Variants in SEZ6 observed in about 807,000 individuals in gnomAD.
SEZ6 encodes the protein seizure protein 6 homolog.
Under a neutral mutation model 101.0 loss-of-function variants are expected in SEZ6, and 53 were observed. The observed-to-expected ratio is 0.52, with a 90% CI of 0.42 to 0.66. The LOEUF is 0.66. Ranked by LOEUF, SEZ6 falls within the 30% of genes least tolerant of loss-of-function variation. The pLI, the probability that SEZ6 is intolerant of heterozygous loss-of-function variation, is 0.00. For synonymous variants in SEZ6, 488 were observed against 512.2 expected, an observed-to-expected ratio of 0.95 and a Z score of 0.64; for missense variants, 1,102 against 1,289.4, an observed-to-expected ratio of 0.85 and a Z score of 2.23.
rs766033904 is a variant in SEZ6 at position 28,958,094 on chromosome 17, C to T, written c.2155G>A (p.Gly719Ser). 1 of 1,607,476 alleles carries T rather than the reference C, an allele frequency of 6.2e-7. No homozygotes were observed. Among genetic ancestry groups the T allele is most frequent in the Non-Finnish European group, 8.5e-7 (1 of 1,174,514 alleles). The stretch of plus-strand genomic sequence containing the variant: ...TCAGGCTGCGATGGGCTCTTCCAGC[C>T]ATTGGGGATCTCAGGCAGCTCCGGA... Reference protein sequence around the residue: ...TCPELPEIPNGWKSPSQPELV... With the variant: ...TCPELPEIPNSWKSPSQPELV... Residue 719 changes from glycine to serine, a missense_variant, in exon 11 of 17, where the codon GGC (glycine) becomes AGC (serine). Physicochemically the swap from Gly to Ser is moderately conservative, Grantham distance 56. Coordinates refer to ENST00000317338, the MANE Select transcript of SEZ6 (RefSeq NM_178860.5).
At chr17:28,963,481 A>G (rs575414366) in intron 5 of SEZ6, among the ~76,000 whole-genome samples, 1 of 152,222 alleles carries the variant, frequency 6.6e-6, no homozygotes, top group South Asian at 2.1e-4. Context: ...CTTCAGCCAA[A>G]CCTGGCTGTC....
chr17:29,005,818 G>A lies in SEZ6; in HGVS notation c.52C>T (p.His18Tyr). 1 of 1,485,886 alleles carries A rather than the reference G, an allele frequency of 6.7e-7. No homozygotes were observed. The highest frequency in any genetic ancestry group is 8.9e-7 in the Non-Finnish European group (1 of 1,118,240). 92.0% of individuals were successfully genotyped at this position (1,485,886 alleles called of 1,614,324 possible). ...GCCGGATGCCGGGGTCCCTTACCGTGAGCCAGGAGCGCCAGCAGCGAGGGC... is the reference window on the plus strand; with the variant it reads ...GCCGGATGCCGGGGTCCCTTACCGTAAGCCAGGAGCGCCAGCAGCGAGGGC... ...LLPSLLALLA[H>Y]GLSLEAPTVG... Residue 18 changes from histidine to tyrosine, a missense_variant, in exon 1 of 17, where the codon CAC becomes TAC. Around this residue, in one of 3 missense-constraint regions of SEZ6, gnomAD observed 406 missense variants for 418.6 expected, o/e 0.97. Transcript: ENST00000317338. This position sits in a 1 kb window ranked among gnomAD's most constrained non-coding sequence, Gnocchi z 4.8.
At chr17:28,978,060 C>T (rs1185212461) in intron 3 of SEZ6, among the ~76,000 whole-genome samples, 1 of 152,180 alleles carries the variant, frequency 6.6e-6, no homozygotes, top group Non-Finnish European at 1.5e-5. Flanking sequence ...CTGGACCTGA[C>T]ATCCCCAGAG....
chr17:28,965,368 C>A (rs1213520145), intron 4 of SEZ6, among the ~76,000 whole-genome samples: 1 of 151,750 alleles, frequency 6.6e-6, no homozygotes, highest in Non-Finnish European at 1.5e-5. Context: ...AACAAACTTA[C>A]AAACAAACAA....
chr17:28,969,973 G>C (rs940810830), intron 3 of SEZ6, 21 bp from the exon 4 acceptor site: 4 of 1,515,622 alleles, frequency 2.6e-6, no homozygotes, highest in Admixed American at 2.7e-5. Flanking sequence ...AGTAGAGAGA[G>C]AAAAGCAAAG....
chr17:28,959,523 T>C lies in SEZ6; in HGVS notation c.1772-51A>G. 6.3e-7 allele frequency: 1 copy of C among 1,595,988 alleles called. No individual in the cohort carries two copies. The highest frequency in any genetic ancestry group is 1.1e-5 in the South Asian group (1 of 90,420). On this transcript the variant is annotated intron_variant, in intron 8 of 16. Transcript: ENST00000317338. The surrounding 1 kb of genome is among the most constrained non-coding windows in gnomAD (Gnocchi z 4.4). ...GGTCTTTTCAAGCTTACCATGGTGT[T>C]GCTTACCATCTGCCCGCAGGAGTGC...
chr17:29,000,353 A>G (rs2041599643), intron 1 of SEZ6, among the ~76,000 whole-genome samples: 1 of 152,232 alleles, frequency 6.6e-6, no homozygotes, highest in Non-Finnish European at 1.5e-5. Flanking sequence ...AATCTCATCA[A>G]AACTCAGTTT....
chr17:28,969,788 AGCCGGTG>A lies in SEZ6; in HGVS notation c.1016_1022del (p.Pro339LeufsTer15). 6.6e-7 allele frequency: 1 copy of A among 1,508,520 alleles called. No individual in the cohort carries two copies. Among genetic ancestry groups the A allele is most frequent in the Non-Finnish European group, 8.8e-7 (1 of 1,138,220 alleles). 93.4% of individuals were successfully genotyped at this position (1,508,520 alleles called of 1,614,324 possible). ...AATGGAAATGGAAGGTGCCAGGGCC[AGCCGGTG>A]GCGGGAGGCTCTGGAACCTCAGGGC... On this transcript the variant is annotated frameshift_variant, in exon 4 of 17. Transcript: ENST00000317338. LOFTEE classifies it high-confidence loss of function.
In SEZ6 at chr17:28,957,033, C is replaced by T; in HGVS notation, c.2692+12G>A. 6.4e-7 allele frequency: 1 copy of T among 1,568,200 alleles called. No individual in the cohort carries two copies. Among genetic ancestry groups the T allele is most frequent in the Non-Finnish European group, 8.7e-7 (1 of 1,152,952 alleles). ...GGCCAGGGAGGGTTTTGAGGGGTGA[C>T]AGGGCACTCACCAGCCCTACAGATG... On this transcript the variant is annotated intron_variant, in intron 13 of 16. Coordinates refer to ENST00000317338, the MANE Select transcript of SEZ6 (RefSeq NM_178860.5).
intron 1 of SEZ6, among the ~76,000 whole-genome samples, chr17:28,985,392 C>T (rs2041366097): frequency 6.6e-6 from 1 of 152,242 alleles, no homozygotes; most frequent in African/African-American, 2.4e-5. Flanking sequence ...GAGCCTCAAA[C>T]CCAAACCGGA....
chr17:28,990,914 A>C (rs981363354), intron 1 of SEZ6, among the ~76,000 whole-genome samples: 4 of 152,068 alleles, frequency 2.6e-5, no homozygotes, highest in African/African-American at 9.7e-5. Context: ...TTTATTAAAA[A>C]AAATTTTTTT....
intron 2 of SEZ6, 67 bp from the exon 3 acceptor site, chr17:28,979,880 CGTGTGTGTGTGTGTGTGTGTGT>C (rs3052131): frequency 1.3e-5 from 11 of 857,838 alleles, no homozygotes; most frequent in South Asian, 1.2e-4. Flanking sequence ...AAGGCTGAAC[CGTGTGTGTGTGTGTGTGTGTGT>C]GTGTGTGTGT....
intron 1 of SEZ6, 33 bp from the exon 2 acceptor site, chr17:28,982,072 C>T (rs2152689584): frequency 2.6e-6 from 4 of 1,537,574 alleles, no homozygotes; most frequent in Middle Eastern, 1.7e-4. Context: ...GAGGTTCTCC[C>T]CCTGCTCCAG....
intron 7 of SEZ6, chr17:28,960,145 T>C: frequency 1.7e-6 from 1 of 584,872 alleles, no homozygotes; most frequent in East Asian, 2.9e-5. Context: ...CAGAAGGTAC[T>C]CCATACATGT....
At chr17:28,998,556 T>G (rs2041573947) in intron 1 of SEZ6, among the ~76,000 whole-genome samples, 2 of 152,114 alleles carry the variant, frequency 1.3e-5, no homozygotes, top group Admixed American at 6.5e-5. Context: ...ATGCCTGTCC[T>G]TTTTCCAGCT....
intron 5 of SEZ6, among the ~76,000 whole-genome samples, chr17:28,963,338 C>T (rs1365629030): frequency 1.3e-5 from 2 of 152,160 alleles, no homozygotes; most frequent in African/African-American, 4.8e-5. Flanking sequence ...TAAGTTCAAA[C>T]TGTCTTGCCT....
In SEZ6 at chr17:28,959,276, GAC is replaced by G; in HGVS notation, c.1910+56_1911-56del. The G allele has an allele frequency of 6.2e-7, 1 of 1,613,550 alleles. No homozygotes were observed. Among genetic ancestry groups the G allele is most frequent in the Non-Finnish European group, 8.5e-7 (1 of 1,179,706 alleles). ...GGCCTGGGGGCCCGAGGATGGGCTG[GAC>G]AAGGGATATCCCCAGACCTCAGGAG... is the stretch of plus-strand genomic sequence containing the variant. On this transcript the variant is annotated intron_variant, in intron 9 of 16. Coordinates refer to ENST00000317338, the MANE Select transcript of SEZ6 (RefSeq NM_178860.5). The surrounding 1 kb of genome is among the most constrained non-coding windows in gnomAD (Gnocchi z 4.4).
intron 3 of SEZ6, among the ~76,000 whole-genome samples, chr17:28,975,460 G>T (rs1027516166): frequency 6.6e-6 from 1 of 152,210 alleles, no homozygotes; most frequent in Non-Finnish European, 1.5e-5. Context: ...ACAGAGAGGT[G>T]GGCTGCAGAG....
chr17:29,005,743 C>T lies in SEZ6; in HGVS notation c.55+72G>A, dbSNP rs1050063577. On this transcript the variant is annotated intron_variant, in intron 1 of 16. Transcript: ENST00000317338. This position sits in a 1 kb window ranked among gnomAD's most constrained non-coding sequence, Gnocchi z 4.8. ...GCAGCCAGATGCCCGAAGCTGGGCA[C>T]CGGGTCTCCCTTCCCACCCCTGGGG... 5.6e-6 allele frequency: 8 copies of T among 1,416,092 alleles called. No individual in the cohort carries two copies. In the African/African-American group the frequency reaches 1.2e-4, roughly 21 times the overall value. 87.7% of individuals were successfully genotyped at this position (1,416,092 alleles called of 1,614,324 possible). A position where few individuals can be genotyped will look rare whatever the true frequency, so the allele number is the denominator to read the frequency against.
Sources: gnomAD v4.1 joint callset for allele counts (sites outside exome capture counted in the v4.1 genomes callset) on GRCh38, gnomAD v4.1.1 for gene constraint, gnomAD v4.1.1 regional missense constraint, Gnocchi (gnomAD v3.1) non-coding constraint, MANE v1.5 for transcripts, NCBI Gene and HGNC (gene_info 2026-07-23, HGNC 2026-07-21) for gene names.